Variants in GPC5 observed in about 807,000 individuals in gnomAD.
GPC5 encodes the protein glypican-5.
Under a neutral mutation model 53.9 loss-of-function variants are expected in GPC5, and 47 were observed. That is an observed-to-expected ratio of 0.87 (90% CI 0.69 to 1.11). GPC5 has a LOEUF of 1.11. Among genes scored for constraint, GPC5 ranks in the 50% most tolerant of loss-of-function variants. The probability of loss-of-function intolerance (pLI) is 0.00; values close to 1 mark genes in which losing one functional copy is unlikely to be tolerated. For synonymous variants in GPC5, 286 were observed against 263.3 expected (o/e 1.09, Z -0.84); for missense variants, 748 against 713.1 (o/e 1.05, Z -0.56).
intron 4 of GPC5, among the ~76,000 whole-genome samples, chr13:91,732,682 T>G (rs529075179): frequency 6.6e-6 from 1 of 152,312 alleles, no homozygotes; most frequent in East Asian, 1.9e-4. Flanking sequence ...TTAATCTGTC[T>G]TGAGTTAATT....
In GPC5 at chr13:92,385,463, CAT is replaced by C. The variant is rs1236770481; in HGVS notation, c.1561+240480_1561+240481del. Among the ~76,000 whole-genome samples, 9 of 115,910 alleles carry C rather than the reference CAT, an allele frequency of 7.8e-5. 1 individual carries two copies. The highest frequency in any genetic ancestry group is 1.1e-4 in the Non-Finnish European group (6 of 56,272). The allele number at this position is 115,910 out of a possible 152,430, so 76.0% of individuals were successfully genotyped here. ...ATATATACATATATACATATATACA[CAT>C]ATATACATATATACATATATACACA... is the stretch of plus-strand genomic sequence containing the variant. On this transcript the variant is annotated intron_variant, in intron 7 of 7. Transcript: ENST00000377067.
chr13:92,418,776 G>T (rs1876430374), intron 7 of GPC5, among the ~76,000 whole-genome samples: 1 of 152,108 alleles, frequency 6.6e-6, no homozygotes, highest in African/African-American at 2.4e-5. Flanking sequence ...TTGCTTTCAT[G>T]TTCAGCTTTT....
At chr13:92,533,268 G>A (rs1316504609) in intron 7 of GPC5, among the ~76,000 whole-genome samples, 2 of 152,044 alleles carry the variant, frequency 1.3e-5, no homozygotes, top group Non-Finnish European at 2.9e-5. Context: ...TTCACTGTAT[G>A]TTCTCATACT....
intron 7 of GPC5, among the ~76,000 whole-genome samples, chr13:92,808,898 A>G (rs919669482): frequency 1.3e-5 from 2 of 152,138 alleles, no homozygotes; most frequent in African/African-American, 4.8e-5. Context: ...AGAGGCTTAA[A>G]TGAGACCACA....
chr13:92,665,885 T>C (rs9516112), intron 7 of GPC5, among the ~76,000 whole-genome samples: 87,085 of 152,022 alleles, frequency 0.57, 28,220 homozygotes, highest in Non-Finnish European at 0.75. Flanking sequence ...CTCCTACGTA[T>C]GGTATAAATG....
intron 7 of GPC5, among the ~76,000 whole-genome samples, chr13:92,798,169 G>A (rs1266517089): frequency 6.6e-6 from 1 of 151,864 alleles, no homozygotes; most frequent in African/African-American, 2.4e-5. Flanking sequence ...TTGGGAAACT[G>A]AGCATCATGA....
At chr13:92,454,042 A>G (rs542974339) in intron 7 of GPC5, among the ~76,000 whole-genome samples, 3 of 152,226 alleles carry the variant, frequency 2.0e-5, no homozygotes, top group Admixed American at 6.5e-5. Flanking sequence ...ACTATATCCC[A>G]TGATACAAAG....
At chr13:92,065,987 A>AT (rs909113099) in intron 6 of GPC5, among the ~76,000 whole-genome samples, 1 of 152,116 alleles carries the variant, frequency 6.6e-6, no homozygotes, top group African/African-American at 2.4e-5. Context: ...AAAAGATATT[A>AT]TTTTAAGTAT....
Position 91,438,597 on chromosome 13 carries a change from A to G in GPC5, c.164-10164A>G, listed in dbSNP as rs555324365. On this transcript the variant is annotated intron_variant, in intron 1 of 7. Coordinates refer to ENST00000377067, the MANE Select transcript of GPC5 (RefSeq NM_004466.6). ...CTGGGTGGTGCCTCCCAGTTAGGCT[A>G]CTCGGGGGTCAGGTACCCACTTGAG... Among the ~76,000 whole-genome samples the G allele has an allele frequency of 6.8e-4, 103 of 152,144 alleles. 1 individual carries two copies. The highest frequency in any genetic ancestry group is 2.3e-3 in the African/African-American group (95 of 41,544).
chr13:91,473,022 TG>T (rs747171858), intron 2 of GPC5, among the ~76,000 whole-genome samples: 22 of 152,090 alleles, frequency 1.4e-4, no homozygotes, highest in Non-Finnish European at 2.9e-4. Flanking sequence ...TCCATATGGC[TG>T]GGGAGGCCTC....
At position 91,908,027 on chromosome 13, in the gene GPC5, G is replaced by C. The variant is rs1372765434; in HGVS notation, c.1371G>C (p.Gln457His). 2 of 1,590,862 alleles carry C rather than the reference G, an allele frequency of 1.3e-6. No individual in the cohort carries two copies. Among genetic ancestry groups the C allele is most frequent in the Non-Finnish European group, 1.7e-6 (2 of 1,175,952 alleles). Residue 457 changes from glutamine to histidine, a missense_variant, in exon 6 of 8, where the codon CAG becomes CAC. Physicochemically the swap from Gln to His is conservative, Grantham distance 24 (BLOSUM62 0). Coordinates refer to ENST00000377067, the MANE Select transcript of GPC5 (RefSeq NM_004466.6). Reference protein sequence around the residue: ...KVKGIDPVINQIIDKLKHVVQ... With the variant: ...KVKGIDPVINHIIDKLKHVVQ... ...AAGGAATTGATCCTGTGATAAATCA[G>C]ATTATTGATAAACTGAAGCATGTTG...
At chr13:92,508,443 G>C (rs1880452405) in intron 7 of GPC5, among the ~76,000 whole-genome samples, 1 of 152,094 alleles carries the variant, frequency 6.6e-6, no homozygotes, top group African/African-American at 2.4e-5. Context: ...AGAAAAAAAT[G>C]TATTATGAAT....
intron 6 of GPC5, among the ~76,000 whole-genome samples, chr13:92,067,942 G>T (rs2041180026): frequency 6.6e-6 from 1 of 151,866 alleles, no homozygotes; most frequent in Admixed American, 6.6e-5. Flanking sequence ...TTACATGTCT[G>T]TTTTGATTGC....
intron 7 of GPC5, among the ~76,000 whole-genome samples, chr13:92,676,549 G>A (rs938258466): frequency 6.6e-5 from 10 of 152,108 alleles, no homozygotes; most frequent in Non-Finnish European, 1.0e-4. Context: ...ACAATAAGAA[G>A]TATGGAGTCA....
chr13:91,460,924 T>C (rs938065993), intron 2 of GPC5, among the ~76,000 whole-genome samples: 5 of 152,194 alleles, frequency 3.3e-5, no homozygotes, highest in African/African-American at 1.2e-4. Flanking sequence ...CATTTCTCAA[T>C]GTAGCTGTTC....
intron 6 of GPC5, among the ~76,000 whole-genome samples, chr13:91,966,071 A>G (rs544828777): frequency 6.6e-6 from 1 of 152,320 alleles, no homozygotes; most frequent in African/African-American, 2.4e-5. Context: ...TCTAAATAGA[A>G]ATAATTAGAC....
intron 7 of GPC5, among the ~76,000 whole-genome samples, chr13:92,685,085 T>TTTTA (rs1234929720): frequency 9.5e-6 from 1 of 105,782 alleles, no homozygotes; most frequent in Non-Finnish European, 1.8e-5. Flanking sequence ...GATCCAGTAG[T>TTTTA]TCTATTTATT....
At chr13:92,245,467 T>C (rs1404060396) in intron 7 of GPC5, among the ~76,000 whole-genome samples, 1 of 152,242 alleles carries the variant, frequency 6.6e-6, no homozygotes, top group Non-Finnish European at 1.5e-5. Flanking sequence ...TTCACTATTA[T>C]ATTCCTAATA....
At chr13:92,367,265 A>G (rs1040433929) in intron 7 of GPC5, among the ~76,000 whole-genome samples, 4 of 152,122 alleles carry the variant, frequency 2.6e-5, no homozygotes, top group Admixed American at 6.5e-5. Flanking sequence ...GTTCCATGTT[A>G]TTTTGTATAT....
Sources: gnomAD v4.1 joint callset for allele counts (sites outside exome capture counted in the v4.1 genomes callset) on GRCh38, gnomAD v4.1.1 for gene constraint, MANE v1.5 for transcripts, NCBI Gene and HGNC (gene_info 2026-07-23, HGNC 2026-07-21) for gene names.